The following TBC1D13 variants were observed in gnomAD, a reference collection of about 807,000 sequenced individuals.
TBC1D13 encodes the protein epididymis secretory sperm binding protein.
TBC1D13 carries 40 observed loss-of-function variants against 53.6 expected under a neutral mutation model. The observed-to-expected ratio is 0.75, with a 90% CI of 0.58 to 0.97. The LOEUF is 0.97. Ranked by LOEUF, TBC1D13 falls within the 50% of genes least tolerant of loss-of-function variation. The pLI is 0.00. For synonymous variants in TBC1D13, 182 were observed against 197.7 expected (o/e 0.92, Z 0.67); for missense variants, 377 against 499.4 (o/e 0.75, Z 2.34).
intron 7 of TBC1D13, among the ~76,000 whole-genome samples, chr9:128,801,900 T>C (rs1829741888): frequency 6.6e-6 from 1 of 151,554 alleles, no homozygotes. Context: ...TAGCTGGGAC[T>C]ACAGGTGCCC....
At chr9:128,802,544 A>G (rs559736379) in intron 7 of TBC1D13, among the ~76,000 whole-genome samples, 3 of 152,226 alleles carry the variant, frequency 2.0e-5, no homozygotes, top group East Asian at 3.9e-4. Context: ...TTTTAGCACC[A>G]TAAGTTAGGT....
At chr9:128,806,209 T>C in intron 10 of TBC1D13, 45 bp from the exon 11 acceptor site, 2 of 1,613,838 alleles carry the variant, frequency 1.2e-6, no homozygotes, top group Non-Finnish European at 1.7e-6. Flanking sequence ...GGGCCTGCAC[T>C]CAGAGCATCC....
rs1829467311 is a variant in TBC1D13, at chr9:128,788,350, G to A, written c.40G>A (p.Asp14Asn). 1 of 1,614,132 alleles carries A rather than the reference G, an allele frequency of 6.2e-7. No individual in the cohort carries two copies. The highest frequency in any genetic ancestry group is 8.5e-7 in the Non-Finnish European group (1 of 1,180,022). Residue 14 changes from aspartate to asparagine, a missense_variant, in exon 2 of 12, where the codon GAT (aspartate) becomes AAT (asparagine). Transcript: ENST00000372648. The part of the protein sequence containing the change: ...LHKSRIADFQ[D>N]VLKEPSIALE... ...CCCTTCCAGAATTGCAGATTTCCAGGATGTCCTGAAGGAGCCCTCAATTGC... is the reference window on the plus strand; with the variant it reads ...CCCTTCCAGAATTGCAGATTTCCAGAATGTCCTGAAGGAGCCCTCAATTGC...
At chr9:128,787,556 C>T (rs1421439208) in intron 1 of TBC1D13, among the ~76,000 whole-genome samples, 180 bp downstream of exon 1, 7 of 152,066 alleles carry the variant, frequency 4.6e-5, no homozygotes, top group South Asian at 4.1e-4. Flanking sequence ...GAGGGGCGGC[C>T]CTTCTCCTGC....
At chr9:128,792,404 G>T in intron 5 of TBC1D13, 88 bp from the exon 6 acceptor site, 1 of 1,157,116 alleles carries the variant, frequency 8.6e-7, no homozygotes. Flanking sequence ...GATTGTTGCA[G>T]CAAGGCCACT....
In TBC1D13 at chr9:128,803,412, G is replaced by A. The variant is rs1829772346; in HGVS notation, c.706G>A (p.Gly236Arg). The A allele has an allele frequency of 6.2e-7, 1 of 1,614,058 alleles. No individual in the cohort carries two copies. The highest frequency in any genetic ancestry group is 1.3e-5 in the African/African-American group (1 of 74,922). Residue 236 changes from glycine to arginine, a missense_variant, in exon 8 of 12, where the codon GGG (glycine) becomes AGG (arginine). Coordinates refer to ENST00000372648, the MANE Select transcript of TBC1D13 (RefSeq NM_018201.5). Reference protein sequence around the residue: ...AYVQGMNEIVGPLYYTFATDP... With the variant: ...AYVQGMNEIVRPLYYTFATDP... Reference sequence around the variant, plus strand: ...TGTGCAAGGCATGAATGAAATCGTGGGGCCCCTCTACTACACCTTTGCCAC... The same window carrying A: ...TGTGCAAGGCATGAATGAAATCGTGAGGCCCCTCTACTACACCTTTGCCAC...
At chr9:128,790,890 G>C in intron 3 of TBC1D13, 115 bp downstream of exon 3, 1 of 1,144,720 alleles carries the variant, frequency 8.7e-7, no homozygotes. Context: ...TTGCTTGTCT[G>C]AGGGAGCTTT....
Position 128,808,601 on chromosome 9 carries a change from T to A in TBC1D13, c.*722T>A, listed in dbSNP as rs1829888998. On this transcript the variant is annotated 3_prime_UTR_variant, in exon 12 of 12. Transcript: ENST00000372648. ...CCTCTCTCCATTACTCTCCCTGCCCTTCTCTGTTGGGGTGCCTTATCCTGA... is the reference window on the plus strand; with the variant it reads ...CCTCTCTCCATTACTCTCCCTGCCCATCTCTGTTGGGGTGCCTTATCCTGA... The A allele has an allele frequency of 6.5e-6, 1 of 153,180 alleles. No homozygotes were observed. The highest frequency in any genetic ancestry group is 1.5e-5 in the Non-Finnish European group (1 of 68,922). The allele number at this position is 153,180 out of a possible 1,614,324, so 9.5% of individuals were successfully genotyped here. A position where few individuals can be genotyped will look rare whatever the true frequency, so the allele number is the denominator to read the frequency against.
In TBC1D13 at chr9:128,787,699, TC is replaced by T. The variant is rs1829454753; in HGVS notation, c.23+324del. ...TTTTGATCCCCCTGCTCCCGTACTC[TC>T]TCCAAGTGCACCCTGTCCCCCGTGC... On this transcript the variant is annotated intron_variant, in intron 1 of 11. Transcript: ENST00000372648. Among the ~76,000 whole-genome samples the T allele has an allele frequency of 4.6e-5, 6 of 130,950 alleles. No homozygotes were observed. The Admixed American group carries it at 5.4e-4, about 12-fold the overall frequency. 85.9% of individuals were successfully genotyped at this position (130,950 alleles called of 152,430 possible).
intron 10 of TBC1D13, 83 bp from the exon 11 acceptor site, chr9:128,806,171 G>C: frequency 6.2e-7 from 1 of 1,607,168 alleles, no homozygotes; most frequent in Non-Finnish European, 8.5e-7. Context: ...AACCAAACTT[G>C]AGGTGGGTAG....
In TBC1D13 at chr9:128,809,940, G is replaced by A. The variant is rs539911239; in HGVS notation, c.*2061G>A. 2 of 152,652 alleles carry A rather than the reference G, an allele frequency of 1.3e-5. No individual in the cohort carries two copies. Among genetic ancestry groups the A allele is most frequent in the Non-Finnish European group, 2.9e-5 (2 of 68,372 alleles). 9.5% of individuals were successfully genotyped at this position (152,652 alleles called of 1,614,324 possible). On this transcript the variant is annotated 3_prime_UTR_variant, in exon 12 of 12. Transcript: ENST00000372648. ...CTTCTCCAACCCCTTCATAAGCTTG[G>A]GCCACTGCCTGGGACCCAGCAGACA...
chr9:128,793,063 C>T (rs924039802), intron 6 of TBC1D13, among the ~76,000 whole-genome samples: 18 of 152,222 alleles, frequency 1.2e-4, no homozygotes, highest in African/African-American at 4.1e-4. Context: ...AGCAGTGATT[C>T]AGCTGAGATC....
At chr9:128,806,084 A>G (rs2417127) in intron 10 of TBC1D13, 65 bp downstream of exon 10, 637,909 of 1,587,824 alleles carry the variant, frequency 0.4, 139,860 homozygotes, top group Non-Finnish European at 0.45. Context: ...AGACAGGAGG[A>G]CCCTCCGCCC....
chr9:128,807,504 T>G (rs1829858540), intron 11 of TBC1D13, among the ~76,000 whole-genome samples: 1 of 152,206 alleles, frequency 6.6e-6, no homozygotes, highest in Non-Finnish European at 1.5e-5. Context: ...CCAGTCCTAC[T>G]GGCTCCACAC....
intron 7 of TBC1D13, among the ~76,000 whole-genome samples, chr9:128,799,010 A>G (rs1829686775): frequency 6.6e-6 from 1 of 152,152 alleles, no homozygotes; most frequent in South Asian, 2.1e-4. Context: ...CACCACACCC[A>G]GCTGGAAATG....
In TBC1D13 at chr9:128,808,361, G is replaced by A. The variant is rs1471633890; in HGVS notation, c.*482G>A. The A allele has an allele frequency of 9.3e-6, 2 of 214,582 alleles. No individual in the cohort carries two copies. Among genetic ancestry groups the A allele is most frequent in the Non-Finnish European group, 1.9e-5 (2 of 104,646 alleles). The allele number at this position is 214,582 out of a possible 1,614,324, so 13.3% of individuals were successfully genotyped here. On this transcript the variant is annotated 3_prime_UTR_variant, in exon 12 of 12. Coordinates refer to ENST00000372648, the MANE Select transcript of TBC1D13 (RefSeq NM_018201.5). Reference sequence around the variant, plus strand: ...CCGTCTGTCTCACCCACAGATGTCTGTAGTCGGTCGGTGTGAATGTGGGCC... The same window carrying A: ...CCGTCTGTCTCACCCACAGATGTCTATAGTCGGTCGGTGTGAATGTGGGCC...
chr9:128,805,884 T>G lies in TBC1D13; in HGVS notation c.944T>G (p.Phe315Cys), dbSNP rs1273878418. The G allele has an allele frequency of 6.2e-7, 1 of 1,614,038 alleles. No homozygotes were observed. Among genetic ancestry groups the G allele is most frequent in the Non-Finnish European group, 8.5e-7 (1 of 1,180,024 alleles). ...KLQEQNIKPQFFAFRWLTLLL... is the reference protein window; with the variant it reads ...KLQEQNIKPQCFAFRWLTLLL... ...CAAGAGCAGAACATCAAGCCTCAGT[T>G]CTTTGCCTTCCGCTGGCTGACACTG... Residue 315 changes from phenylalanine to cysteine, a missense_variant, in exon 10 of 12, where the codon TTC (phenylalanine) becomes TGC (cysteine). Coordinates refer to ENST00000372648, the MANE Select transcript of TBC1D13 (RefSeq NM_018201.5).
At chr9:128,797,250 A>C in intron 7 of TBC1D13, 36 bp downstream of exon 7, 1 of 1,607,776 alleles carries the variant, frequency 6.2e-7, no homozygotes, top group Non-Finnish European at 8.5e-7. Context: ...GGACTCCCCC[A>C]ACAGTATTTT....
intron 7 of TBC1D13, among the ~76,000 whole-genome samples, chr9:128,802,769 T>C (rs2132549389): frequency 6.6e-6 from 1 of 151,384 alleles, no homozygotes. Flanking sequence ...CAGTGTCTTG[T>C]TGTCACCCAG....
Sources: allele counts gnomAD v4.1 joint callset (sites outside exome capture counted in the v4.1 genomes callset), GRCh38; gene constraint gnomAD v4.1.1; transcripts MANE v1.5; gene names NCBI Gene and HGNC (gene_info 2026-07-23, HGNC 2026-07-21).